Variants in TBC1D1 observed in about 807,000 individuals in gnomAD.
The protein encoded by TBC1D1 is TBC1 (tre-2/USP6, BUB2, cdc16) domain family, member 1.
A neutral mutation model predicts 125.6 loss-of-function variants in TBC1D1; 89 were observed. That is an observed-to-expected ratio of 0.71 (90% CI 0.60 to 0.85). The LOEUF (loss-of-function observed/expected upper bound fraction) is 0.85, where lower values mean the gene tolerates loss of function less well. TBC1D1 is among the 40% of genes least tolerant of loss of function. TBC1D1 has a pLI of 0.00. For missense variants in TBC1D1, 1,377 were observed against 1,469.2 expected (o/e 0.94, Z 1.03); for synonymous variants, 565 against 564.1 (o/e 1.00, Z -0.02).
At chr4:38,066,129 G>C (rs1032418598) in intron 12 of TBC1D1, among the ~76,000 whole-genome samples, 2 of 152,170 alleles carry the variant, frequency 1.3e-5, no homozygotes, top group African/African-American at 4.8e-5. Flanking sequence ...AGTTTTGATA[G>C]GTTTGCTCAC....
chr4:37,921,369 T>C (rs997620643), intron 2 of TBC1D1, among the ~76,000 whole-genome samples: 1 of 150,468 alleles, frequency 6.6e-6, no homozygotes, highest in Non-Finnish European at 1.5e-5. Context: ...GTTTTATATG[T>C]ATATTATATA....
intron 2 of TBC1D1, among the ~76,000 whole-genome samples, chr4:37,933,718 G>GA (rs1723797371): frequency 6.6e-6 from 1 of 152,144 alleles, no homozygotes; most frequent in African/African-American, 2.4e-5. Flanking sequence ...GATTCAACTT[G>GA]AAAAAAGATA....
chr4:37,998,094 C>T (rs1738212332), intron 2 of TBC1D1, among the ~76,000 whole-genome samples: 1 of 152,172 alleles, frequency 6.6e-6, no homozygotes, highest in African/African-American at 2.4e-5. Context: ...GCCAGCTTTA[C>T]CTTCTAGATA....
intron 2 of TBC1D1, among the ~76,000 whole-genome samples, chr4:37,903,019 T>G (rs1438126960): frequency 2.0e-5 from 3 of 152,228 alleles, no homozygotes; most frequent in African/African-American, 7.2e-5. Context: ...AAAAATATAG[T>G]CATTCGTAAA....
chr4:38,103,677 A>G (rs1760755908), intron 15 of TBC1D1, among the ~76,000 whole-genome samples: 1 of 152,228 alleles, frequency 6.6e-6, no homozygotes, highest in South Asian at 2.1e-4. Context: ...GATGGGAACA[A>G]TATACAGTCA....
At chr4:38,134,572 C>T (rs541591068) in intron 19 of TBC1D1, among the ~76,000 whole-genome samples, 2 of 152,286 alleles carry the variant, frequency 1.3e-5, no homozygotes, top group African/African-American at 4.8e-5. Context: ...TGATAGGTCC[C>T]TGAAATATAA....
chr4:38,023,243 C>CAAAA (rs71658750), intron 6 of TBC1D1, among the ~76,000 whole-genome samples: 15 of 76,522 alleles, frequency 2.0e-4, no homozygotes, highest in Middle Eastern at 7.7e-3. Context: ...CGAGATGTCT[C>CAAAA]AAAAAAAAAA....
intron 2 of TBC1D1, among the ~76,000 whole-genome samples, chr4:38,005,499 T>C (rs1739955133): frequency 6.6e-6 from 1 of 152,178 alleles, no homozygotes; most frequent in African/African-American, 2.4e-5. Flanking sequence ...GGTGTTTATG[T>C]CTGGGTGTGC....
At chr4:38,016,440 C>T (rs1742733181) in intron 3 of TBC1D1, among the ~76,000 whole-genome samples, 1 of 152,210 alleles carries the variant, frequency 6.6e-6, no homozygotes, top group East Asian at 1.9e-4. Flanking sequence ...CCTCCTCTTG[C>T]TTCCTTTAGG....
At chr4:38,095,520 C>T (rs1759177757) in intron 13 of TBC1D1, among the ~76,000 whole-genome samples, 1 of 152,140 alleles carries the variant, frequency 6.6e-6, no homozygotes, top group Non-Finnish European at 1.5e-5. Context: ...AGAAAACGAT[C>T]TTTGGAGTGC....
chr4:37,923,678 ATTT>A (rs35795968), intron 2 of TBC1D1, among the ~76,000 whole-genome samples: 65 of 116,136 alleles, frequency 5.6e-4, no homozygotes, highest in Middle Eastern at 4.5e-3. Flanking sequence ...CCCCCACCCC[ATTT>A]TTTTTTTTTT....
intron 12 of TBC1D1, among the ~76,000 whole-genome samples, chr4:38,075,354 C>T (rs1755409452): frequency 6.6e-6 from 1 of 152,212 alleles, no homozygotes; most frequent in Non-Finnish European, 1.5e-5. Flanking sequence ...GAGTTCCCCA[C>T]TTGCCTAAGA....
chr4:38,058,398 T>C (rs148762084), intron 12 of TBC1D1, among the ~76,000 whole-genome samples: 18 of 152,346 alleles, frequency 1.2e-4, no homozygotes, highest in Admixed American at 5.2e-4. Flanking sequence ...GTCCCTGCTT[T>C]GTGCAAACTG....
chr4:38,071,174 C>T (rs1211438368), intron 12 of TBC1D1, among the ~76,000 whole-genome samples: 4 of 152,132 alleles, frequency 2.6e-5, no homozygotes, highest in Non-Finnish European at 5.9e-5. Context: ...CCTGTCCCTG[C>T]TCTTACTGTG....
At chr4:37,913,713 A>G (rs921263275) in intron 2 of TBC1D1, among the ~76,000 whole-genome samples, 1 of 149,168 alleles carries the variant, frequency 6.7e-6, no homozygotes, top group African/African-American at 2.5e-5. Flanking sequence ...ATCCCATTCC[A>G]GCTCCCTCCA....
At chr4:38,058,983 G>A (rs1290943164) in intron 12 of TBC1D1, among the ~76,000 whole-genome samples, 1 of 152,180 alleles carries the variant, frequency 6.6e-6, no homozygotes. Context: ...ATCTCTAATA[G>A]TATAATGGGC....
intron 14 of TBC1D1, among the ~76,000 whole-genome samples, chr4:38,102,732 T>A (rs1339093897): frequency 6.6e-6 from 1 of 151,460 alleles, no homozygotes; most frequent in African/African-American, 2.4e-5. Context: ...AAAAAAAAAA[T>A]TAGCCAGGCA....
intron 2 of TBC1D1, among the ~76,000 whole-genome samples, chr4:37,943,196 G>A (rs1316946169): frequency 4.6e-5 from 7 of 152,290 alleles, no homozygotes; most frequent in South Asian, 2.1e-4. Flanking sequence ...AGTTTCTGCC[G>A]AGAGATCTGC....
At chr4:38,001,672 C>A (rs1019479676) in intron 2 of TBC1D1, among the ~76,000 whole-genome samples, 2 of 152,190 alleles carry the variant, frequency 1.3e-5, no homozygotes, top group African/African-American at 4.8e-5. Flanking sequence ...TAAGGCATTC[C>A]TAATATTACC....
Sources: allele counts gnomAD v4.1 joint callset (sites outside exome capture counted in the v4.1 genomes callset), GRCh38; gene constraint gnomAD v4.1.1; transcripts MANE v1.5; gene names NCBI Gene and HGNC (gene_info 2026-07-23, HGNC 2026-07-21).